The following RPS2 variants were observed in gnomAD, a reference collection of about 807,000 sequenced individuals.
RPS2 encodes ribosomal protein S2, also known as small ribosomal subunit protein uS5.
In RPS2, 8 loss-of-function variants were observed where a neutral mutation model predicts 25.3. That is an observed-to-expected ratio of 0.32 (90% confidence interval 0.19 to 0.57). The LOEUF is 0.57. Ranked by LOEUF, RPS2 falls within the 20% of genes least tolerant of loss-of-function variation. The pLI, the probability that RPS2 is intolerant of heterozygous loss-of-function variation, is 0.90. For missense variants in RPS2, 229 were observed against 408.1 expected (o/e 0.56, Z 3.78); for synonymous variants, 181 against 161.3 (o/e 1.12, Z -0.92).
chr16:1,964,440 G>A lies in RPS2; in HGVS notation c.177+9C>T. ...CAGGGGCCCGACCCCGAGCGTGGCT[G>A]ATACCTACCTCCTTATCCTCGGCCT... On this transcript the variant is annotated intron_variant, in intron 2 of 6. Transcript: ENST00000343262. 1 of 1,609,920 alleles carries A rather than the reference G, an allele frequency of 6.2e-7. No homozygotes were observed. The highest frequency in any genetic ancestry group is 1.7e-5 in the Admixed American group (1 of 59,858).
chr16:1,963,898 G>T (rs1777581990), intron 3 of RPS2: 3 of 414,204 alleles, frequency 7.2e-6, no homozygotes, highest in South Asian at 5.3e-5. Flanking sequence ...GCACCCGCTG[G>T]ATGCAGATGA....
intron 3 of RPS2, chr16:1,963,876 C>T (rs779120270): frequency 7.0e-6 from 3 of 429,766 alleles, no homozygotes; most frequent in South Asian, 3.3e-5. Context: ...ATGCCATTAG[C>T]CTTTCCCCAC....
At chr16:1,963,646 C>T in intron 3 of RPS2, 1 of 346,914 alleles carries the variant, frequency 2.9e-6, no homozygotes, top group Non-Finnish European at 5.8e-6. Flanking sequence ...GTCATGAACC[C>T]CCTCACCTGG....
Position 1,964,814 on chromosome 16 carries a change from G to C in RPS2, c.-11C>G. 1 of 537,398 alleles carries C rather than the reference G, an allele frequency of 1.9e-6. No homozygotes were observed. The highest frequency in any genetic ancestry group is 3.2e-6 in the Non-Finnish European group (1 of 309,288). The allele number at this position is 537,398 out of a possible 1,614,324, so 33.3% of individuals were successfully genotyped here. A position where few individuals can be genotyped will look rare whatever the true frequency, so the allele number is the denominator to read the frequency against. On this transcript the variant is annotated 5_prime_UTR_variant, in exon 1 of 7. Transcript: ENST00000343262. ...GCGACCAACAGGACTCACGTGTTTT[G>C]TCGGAAAAGAAGAACGAGACCTACT...
Position 1,964,548 on chromosome 16 carries a change from G to A in RPS2, c.78C>T (p.Arg26=), listed in dbSNP as rs1324929864. The A allele has an allele frequency of 3.1e-6, 5 of 1,591,148 alleles. No homozygotes were observed. Among genetic ancestry groups the A allele is most frequent in the African/African-American group, 2.7e-5 (2 of 73,734 alleles). The change falls in exon 2 of 7, where the codon CGC becomes CGT. Residue 26 remains arginine, a synonymous_variant. Transcript: ENST00000343262. ...CCCGGATGCCACTGCCGAAACCTCC[G>A]CGGAAGCCACCGCGGTTCCCCATCC... is the stretch of plus-strand genomic sequence containing the variant. ...GPGMGNRGGF[R]GGFGSGIRGR... is the part of the protein sequence containing the mutation.
At position 1,964,805 on chromosome 16, in the gene RPS2, A is replaced by C. The variant is rs1202750464; in HGVS notation, c.-4+2T>G. Reference sequence around the variant, plus strand: ...CCCGCTGCAGCGACCAACAGGACTCACGTGTTTTGTCGGAAAAGAAGAACG... The same window carrying C: ...CCCGCTGCAGCGACCAACAGGACTCCCGTGTTTTGTCGGAAAAGAAGAACG... On this transcript the variant is annotated splice_donor_variant, in intron 1 of 6. Coordinates refer to ENST00000343262, the MANE Select transcript of RPS2 (RefSeq NM_002952.4). LOFTEE classifies it low-confidence loss of function (5UTR_SPLICE). The C allele has an allele frequency of 7.4e-6, 4 of 540,502 alleles. No individual in the cohort carries two copies. The highest frequency in any genetic ancestry group is 6.4e-6 in the Non-Finnish European group (2 of 311,208). 33.5% of individuals were successfully genotyped at this position (540,502 alleles called of 1,614,324 possible).
chr16:1,962,690 G>A (rs577954531), intron 5 of RPS2, 34 bp from the exon 6 acceptor site: 32 of 1,586,452 alleles, frequency 2.0e-5, no homozygotes, highest in East Asian at 7.0e-5. Flanking sequence ...ACGGGGGCCC[G>A]AGGGAGCCTG....
At position 1,962,115 on chromosome 16, in the gene RPS2, C is replaced by A; in HGVS notation, c.865G>T (p.Ala289Ser). Reference sequence around the variant, plus strand: ...TAAAAACCCTATGTTGTAGCCACAGCTGGAGCCTGAGTCCGCTGCACGGAG... The same window carrying A: ...TAAAAACCCTATGTTGTAGCCACAGATGGAGCCTGAGTCCGCTGCACGGAG... ...RVSVQRTQAPAVATT is the reference protein window; with the variant it reads ...RVSVQRTQAPSVATT The change falls in exon 7 of 7, where the codon GCT becomes TCT. Residue 289 changes from alanine (A) to serine (S), a missense_variant. Physicochemically the swap from Ala to Ser is moderately conservative, Grantham distance 99. This residue lies in a region of RPS2 where 32 missense variants were observed against 29.4 expected (regional missense o/e 1.09). Transcript: ENST00000343262. 2 of 1,567,814 alleles carry A rather than the reference C, an allele frequency of 1.3e-6. No individual in the cohort carries two copies. The highest frequency in any genetic ancestry group is 1.7e-6 in the Non-Finnish European group (2 of 1,166,584).
At chr16:1,963,068 C>A (rs1369341751) in intron 4 of RPS2, 81 bp downstream of exon 4, 9 of 1,385,764 alleles carry the variant, frequency 6.5e-6, no homozygotes, top group Non-Finnish European at 9.3e-6. Flanking sequence ...GAAAGTCACA[C>A]GGGTGAAGCC....
rs1195270535 is a variant in RPS2 at position 1,964,804 on chromosome 16, C to CA, written c.-4+2dup. On this transcript the variant is annotated splice_region_variant and intron_variant, in intron 1 of 6. Transcript: ENST00000343262. ...GCCCGCTGCAGCGACCAACAGGACT[C>CA]ACGTGTTTTGTCGGAAAAGAAGAAC... The CA allele has an allele frequency of 3.1e-5, 17 of 541,214 alleles. No individual in the cohort carries two copies. The East Asian group carries it at 4.6e-4, about 15-fold the overall frequency. 33.5% of individuals were successfully genotyped at this position (541,214 alleles called of 1,614,324 possible). A position where few individuals can be genotyped will look rare whatever the true frequency, so the allele number is the denominator to read the frequency against.
chr16:1,964,360 C>T lies in RPS2; in HGVS notation c.183G>A (p.Met61Ile), dbSNP rs139767914. Residue 61 changes from methionine (M) to isoleucine (I), a missense_variant, in exon 3 of 7, where the codon ATG becomes ATA. By Grantham distance (10) the Met-to-Ile change is conservative (BLOSUM62 1). This residue lies in a region of RPS2 where 70 missense variants were observed against 119.0 expected (regional missense o/e 0.59). Transcript: ENST00000343262. ...RGGKAEDKEW[M>I]PVTKLGRLVK... is the part of the protein sequence containing the mutation. ...CCAAGCGGCCCAACTTGGTGACGGGCATCCACTAAAGGGAGAAAAGGCGCC... is the reference window on the plus strand; with the variant it reads ...CCAAGCGGCCCAACTTGGTGACGGGTATCCACTAAAGGGAGAAAAGGCGCC... 13 of 1,613,462 alleles carry T rather than the reference C, an allele frequency of 8.1e-6. No homozygotes were observed. The East Asian group carries it at 2.5e-4, about 30-fold the overall frequency.
Position 1,964,241 on chromosome 16 carries a change from C to A in RPS2, c.267+35G>T. 3 of 1,507,654 alleles carry A rather than the reference C, an allele frequency of 2.0e-6. No homozygotes were observed. The South Asian group carries it at 3.4e-5, about 17-fold the overall frequency. 93.4% of individuals were successfully genotyped at this position (1,507,654 alleles called of 1,614,324 possible). A position where few individuals can be genotyped will look rare whatever the true frequency, so the allele number is the denominator to read the frequency against. ...ACCCCAGCCCAAATGACTCCGGGGT[C>A]GCACTTGCTCAACGCCCCAACGACC... On this transcript the variant is annotated intron_variant, in intron 3 of 6. Coordinates refer to ENST00000343262, the MANE Select transcript of RPS2 (RefSeq NM_002952.4).
intron 5 of RPS2, 38 bp from the exon 6 acceptor site, chr16:1,962,694 G>A (rs374321480): frequency 9.4e-6 from 15 of 1,587,962 alleles, no homozygotes; most frequent in Non-Finnish European, 1.3e-5. Context: ...GGGCCCGAGG[G>A]AGCCTGCCCC....
chr16:1,964,124 C>T (rs72764895), intron 3 of RPS2, 152 bp downstream of exon 3: 78,436 of 641,448 alleles, frequency 0.12, 6,109 homozygotes, highest in South Asian at 0.25. Context: ...TAAGTGGAAT[C>T]CTCTCCTCAG....
At position 1,962,720 on chromosome 16, in the gene RPS2, C is replaced by T. The variant is rs747856469; in HGVS notation, c.549+16G>A. The T allele has an allele frequency of 1.3e-6, 2 of 1,593,478 alleles. No homozygotes were observed. Among genetic ancestry groups the T allele is most frequent in the African/African-American group, 1.3e-5 (1 of 74,334 alleles). On this transcript the variant is annotated intron_variant, in intron 5 of 6. Coordinates refer to ENST00000343262, the MANE Select transcript of RPS2 (RefSeq NM_002952.4). ...AGCCTGCCCCACGGCAGGCCCATCACCTGCCACCAGCCTACCTTGCAAGGG... is the reference window on the plus strand; with the variant it reads ...AGCCTGCCCCACGGCAGGCCCATCATCTGCCACCAGCCTACCTTGCAAGGG...
chr16:1,962,673 T>A lies in RPS2; in HGVS notation c.550-17A>T. ...GCCTGTCACCTGGTGAGGGAAGGAG[T>A]CAGGAGACGGGGGCCCGAGGGAGCC... On this transcript the variant is annotated splice_polypyrimidine_tract_variant and intron_variant, in intron 5 of 6. Transcript: ENST00000343262. 1 of 1,588,014 alleles carries A rather than the reference T, an allele frequency of 6.3e-7. No homozygotes were observed.
At position 1,962,772 on chromosome 16, in the gene RPS2, C is replaced by A. The variant is rs763462939; in HGVS notation, c.513G>T (p.Gly171=). 2 of 1,608,496 alleles carry A rather than the reference C, an allele frequency of 1.2e-6. No homozygotes were observed. Among genetic ancestry groups the A allele is most frequent in the South Asian group, 2.2e-5 (2 of 90,562 alleles). ...SIVPVRRGYW[G]NKIGKPHTVP... ...CAGTGTGGGGCTTGCCGATCTTGTT[C>A]CCCCAGTAGCCTCTGCGCACGGGGA... is the stretch of plus-strand genomic sequence containing the variant. Residue 171 remains glycine, a synonymous_variant, in exon 5 of 7, where the codon GGG becomes GGT. Coordinates refer to ENST00000343262, the MANE Select transcript of RPS2 (RefSeq NM_002952.4).
At chr16:1,962,981 C>A (rs756984322) in intron 4 of RPS2, 72 bp from the exon 5 acceptor site, 1 of 1,530,422 alleles carries the variant, frequency 6.5e-7, no homozygotes, top group Non-Finnish European at 9.0e-7. Flanking sequence ...GGGCCTGTTG[C>A]ACCCCTCAAG....
At chr16:1,964,389 G>T in intron 2 of RPS2, 24 bp from the exon 3 acceptor site, 1 of 1,613,256 alleles carries the variant, frequency 6.2e-7, no homozygotes, top group South Asian at 1.1e-5. Flanking sequence ...AGGCGCCAGT[G>T]ACCAGGACCG....
Sources: gnomAD v4.1 joint callset for allele counts on GRCh38, gnomAD v4.1.1 for gene constraint, gnomAD v4.1.1 regional missense constraint, MANE v1.5 for transcripts, NCBI Gene and HGNC (gene_info 2026-07-23, HGNC 2026-07-21) for gene names.